AKAP9: variants seen among roughly 807,000 people sequenced by gnomAD.
AKAP9 encodes the protein A-kinase anchor protein 9.
A neutral mutation model predicts 488.5 loss-of-function variants in AKAP9; 311 were observed. The observed-to-expected ratio is 0.64, with a 90% CI of 0.58 to 0.70. The LOEUF (loss-of-function observed/expected upper bound fraction) is 0.70, where lower values mean the gene tolerates loss of function less well. AKAP9 is among the 30% of genes least tolerant of loss of function. The pLI is 0.00. For synonymous variants in AKAP9, 1,462 were observed against 1,483.5 expected (o/e 0.99, Z 0.33); for missense variants, 4,215 against 4,374.5 (o/e 0.96, Z 1.03).
Position 92,058,371 on chromosome 7 carries a change from T to G in AKAP9, c.5602-2889T>G, listed in dbSNP as rs2285686. The G allele has an allele frequency of 2.0e-4, 113 of 560,668 alleles. No individual in the cohort carries two copies. In the East Asian group the frequency reaches 4.5e-3, roughly 22 times the overall value. 34.7% of individuals were successfully genotyped at this position (560,668 alleles called of 1,614,324 possible). On this transcript the variant is annotated intron_variant, in intron 22 of 49. Coordinates refer to ENST00000356239, the MANE Select transcript of AKAP9 (RefSeq NM_005751.5). The stretch of plus-strand genomic sequence containing the variant: ...ATTCATAAAAGAAACGGGCATATAT[T>G]AAAGCTTATTTCTAAAATTTCACTG...
chr7:91,998,553 AATT>A (rs963263124), intron 7 of AKAP9, among the ~76,000 whole-genome samples: 3 of 150,298 alleles, frequency 2.0e-5, no homozygotes, highest in African/African-American at 7.3e-5. Context: ...TTGAAAGAAG[AATT>A]ATTGTTGGTT....
At chr7:92,085,412 A>G (rs1371164426) in intron 35 of AKAP9, 83 bp from the exon 36 acceptor site, 2 of 1,344,758 alleles carry the variant, frequency 1.5e-6, no homozygotes, top group Admixed American at 3.5e-5. Flanking sequence ...TATCTTGCTT[A>G]AAATTTATTT....
At chr7:92,025,830 G>C (rs1803021754) in intron 14 of AKAP9, among the ~76,000 whole-genome samples, 1 of 152,214 alleles carries the variant, frequency 6.6e-6, no homozygotes, top group South Asian at 2.1e-4. Context: ...GGTAGAATTA[G>C]ATGTTTATGT....
intron 11 of AKAP9, among the ~76,000 whole-genome samples, chr7:92,016,523 C>T (rs1562986804): frequency 1.3e-5 from 2 of 151,980 alleles, no homozygotes; most frequent in South Asian, 4.2e-4. Flanking sequence ...TATCTTTTTC[C>T]TTATCCTAAT....
At position 92,105,404 on chromosome 7, in the gene AKAP9, C is replaced by G. The variant is rs138337065; in HGVS notation, c.11331-274C>G. Among the ~76,000 whole-genome samples the G allele has an allele frequency of 3.2e-4, 49 of 152,264 alleles. 1 individual carries two copies. Among genetic ancestry groups the G allele is most frequent in the African/African-American group, 1.2e-3 (48 of 41,542 alleles). On this transcript the variant is annotated intron_variant, in intron 46 of 49. Coordinates refer to ENST00000356239, the MANE Select transcript of AKAP9 (RefSeq NM_005751.5). ...TCCCATCTACTTTTGCCTTCCATCT[C>G]CTTATACCCCATTTATCCCTCAAGC... is the stretch of plus-strand genomic sequence containing the variant.
intron 3 of AKAP9, among the ~76,000 whole-genome samples, chr7:91,986,279 C>T (rs1401177928): frequency 6.6e-6 from 1 of 152,156 alleles, no homozygotes; most frequent in African/African-American, 2.4e-5. Context: ...GGGAGTGTCC[C>T]GTTTTTCCAG....
chr7:92,074,361 A>G (rs1212427607), intron 28 of AKAP9, among the ~76,000 whole-genome samples: 1 of 152,192 alleles, frequency 6.6e-6, no homozygotes, highest in African/African-American at 2.4e-5. Context: ...AAGAGGAAAC[A>G]ACAGATGCTG....
intron 28 of AKAP9, among the ~76,000 whole-genome samples, chr7:92,075,915 T>C (rs1812508353): frequency 6.6e-6 from 1 of 152,188 alleles, no homozygotes; most frequent in Non-Finnish European, 1.5e-5. Context: ...AGGCAGTAAA[T>C]GATTCATAAG....
chr7:92,069,289 GT>G (rs1811293095), intron 26 of AKAP9, among the ~76,000 whole-genome samples: 1 of 152,142 alleles, frequency 6.6e-6, no homozygotes, highest in African/African-American at 2.4e-5. Context: ...ATTTAGTGTG[GT>G]TGTGCCATTA....
At chr7:92,036,871 G>C (rs1470385780) in intron 16 of AKAP9, among the ~76,000 whole-genome samples, 1 of 152,080 alleles carries the variant, frequency 6.6e-6, no homozygotes, top group African/African-American at 2.4e-5. Flanking sequence ...TGCCGTAATG[G>C]GTATATGTTC....
intron 15 of AKAP9, among the ~76,000 whole-genome samples, 198 bp from the exon 16 acceptor site, chr7:92,031,314 G>A (rs578057484): frequency 2.6e-5 from 4 of 152,110 alleles, no homozygotes; most frequent in Admixed American, 1.3e-4. Flanking sequence ...TTAAGTTCAC[G>A]GTAGTGAGTA....
chr7:92,081,687 G>A (rs924230700), intron 31 of AKAP9, among the ~76,000 whole-genome samples: 4 of 151,608 alleles, frequency 2.6e-5, no homozygotes, highest in African/African-American at 7.3e-5. Flanking sequence ...GTAAAAATGC[G>A]TAGTTGACCT....
chr7:92,034,647 C>T (rs1346286791), intron 16 of AKAP9, among the ~76,000 whole-genome samples: 5 of 149,958 alleles, frequency 3.3e-5, no homozygotes, highest in African/African-American at 7.3e-5. Flanking sequence ...ATTGCAGGCA[C>T]GCACCACCAC....
chr7:91,956,761 T>C (rs544744944), intron 1 of AKAP9, among the ~76,000 whole-genome samples: 51 of 152,360 alleles, frequency 3.3e-4, no homozygotes, highest in African/African-American at 1.1e-3. Context: ...AAGTGTGTTA[T>C]AAATTGAGAC....
intron 24 of AKAP9, chr7:92,063,582 A>G (rs1810266369): frequency 2.8e-6 from 2 of 719,018 alleles, no homozygotes; most frequent in Admixed American, 1.3e-4. Context: ...TTTTCAGCCA[A>G]CTAACATCTC....
At chr7:92,020,366 G>T (rs1802146795) in intron 12 of AKAP9, among the ~76,000 whole-genome samples, 1 of 152,030 alleles carries the variant, frequency 6.6e-6, no homozygotes, top group Admixed American at 6.6e-5. Flanking sequence ...TTTTTGGTTT[G>T]TTCCTGCTTG....
At chr7:91,986,105 G>A (rs559957285) in intron 3 of AKAP9, among the ~76,000 whole-genome samples, 1 of 152,092 alleles carries the variant, frequency 6.6e-6, no homozygotes, top group African/African-American at 2.4e-5. Context: ...CCTGTTATTG[G>A]TCTATTCCGA....
At chr7:91,967,580 C>A (rs1794574603) in intron 1 of AKAP9, among the ~76,000 whole-genome samples, 1 of 152,050 alleles carries the variant, frequency 6.6e-6, no homozygotes, top group Admixed American at 6.5e-5. Flanking sequence ...GTTCTTGATT[C>A]TTTCAATGTG....
In AKAP9 at chr7:92,101,277, A is replaced by T. The variant is rs149454736; in HGVS notation, c.11097+221A>T. ...CGGTGAAACCCCGTCTCTACTAAAA[A>T]TACAAAAACAAAAAATTAGCTGGGC... On this transcript the variant is annotated intron_variant, in intron 45 of 49. Transcript: ENST00000356239. 0.031 allele frequency among the ~76,000 whole-genome samples: 4,721 copies of T among 152,214 alleles called. 103 individuals are homozygous for T. The highest frequency in any genetic ancestry group is 0.05 in the Non-Finnish European group (3,373 of 68,002).
Sources: allele counts gnomAD v4.1 joint callset (sites outside exome capture counted in the v4.1 genomes callset), GRCh38; gene constraint gnomAD v4.1.1; transcripts MANE v1.5; gene names NCBI Gene and HGNC (gene_info 2026-07-23, HGNC 2026-07-21).